Variants in SLC45A4 observed in about 807,000 individuals in gnomAD.
The protein encoded by SLC45A4 is solute carrier family 45 member 4, also known as polyamine-transporter SLC45A4.
A neutral mutation model predicts 63.7 loss-of-function variants in SLC45A4; 32 were observed. The ratio of observed to expected loss-of-function variants is 0.50; its 90% CI spans 0.38 to 0.67. The LOEUF (loss-of-function observed/expected upper bound fraction) is 0.67, where lower values mean the gene tolerates loss of function less well. Ranked by LOEUF, SLC45A4 falls within the 30% of genes least tolerant of loss-of-function variation. The pLI is 0.00. For missense variants in SLC45A4, 1,027 were observed against 1,157.7 expected (o/e 0.89, Z 1.64); for synonymous variants, 535 against 510.0 (o/e 1.05, Z -0.66).
rs147557157 is a variant in SLC45A4, at chr8:141,229,926, G to A, written c.242-8161C>T. On this transcript the variant is annotated intron_variant, in intron 2 of 8. Transcript: ENST00000517878. The surrounding 1 kb of genome is among the most constrained non-coding windows in gnomAD (Gnocchi z 5.0). ...TGGAGATTAAAGGAGAACATGGTGC[G>A]CACAGCTCAGCGCTGGACACTAGAT... Among the ~76,000 whole-genome samples the A allele has an allele frequency of 3.3e-5, 5 of 152,302 alleles. No homozygotes were observed. Among genetic ancestry groups the A allele is most frequent in the African/African-American group, 7.2e-5 (3 of 41,560 alleles).
In SLC45A4 at chr8:141,212,307, A is replaced by T; in HGVS notation, c.2191T>A (p.Ser731Thr). Residue 731 changes from serine (S) to threonine (T), a missense_variant, in exon 8 of 9, where the codon TCT (serine) becomes ACT (threonine). Ser to Thr is a moderately conservative substitution (Grantham distance 58). Transcript: ENST00000517878. ...EEAKEEQKGL[S>T]SPLAGEGRAG... ...CTGCCTTCGCCGGCCAACGGGGAAGACAGGCCTTTCTGCTCCTCCTTGGCC... is the reference window on the plus strand; with the variant it reads ...CTGCCTTCGCCGGCCAACGGGGAAGTCAGGCCTTTCTGCTCCTCCTTGGCC... 2 of 1,610,580 alleles carry T rather than the reference A, an allele frequency of 1.2e-6. No individual in the cohort carries two copies. The highest frequency in any genetic ancestry group is 8.5e-7 in the Non-Finnish European group (1 of 1,177,758).
At chr8:141,232,031 G>A (rs954821844) in intron 2 of SLC45A4, among the ~76,000 whole-genome samples, 3 of 152,236 alleles carry the variant, frequency 2.0e-5, no homozygotes, top group Non-Finnish European at 4.4e-5. Context: ...ATTCCAGTGG[G>A]GCCAGGCCCC....
At chr8:141,216,811 T>C (rs375325458) in intron 6 of SLC45A4, among the ~76,000 whole-genome samples, 62 of 152,282 alleles carry the variant, frequency 4.1e-4, no homozygotes, top group African/African-American at 1.3e-3. Flanking sequence ...GGAGGCACCA[T>C]TGACGTGGGA....
intron 1 of SLC45A4, among the ~76,000 whole-genome samples, chr8:141,299,588 C>T (rs1202835199): frequency 2.0e-5 from 3 of 152,220 alleles, no homozygotes; most frequent in African/African-American, 2.4e-5. Context: ...GGTGGTGGTG[C>T]GCAGGCCCTG....
intron 1 of SLC45A4, among the ~76,000 whole-genome samples, chr8:141,292,542 G>T (rs1830389072): frequency 6.6e-6 from 1 of 152,212 alleles, no homozygotes; most frequent in Non-Finnish European, 1.5e-5. Context: ...CTGCTCTCTT[G>T]GGGGGTTCCA....
intron 1 of SLC45A4, among the ~76,000 whole-genome samples, chr8:141,296,355 C>T (rs1415280172): frequency 2.0e-5 from 3 of 151,926 alleles, no homozygotes; most frequent in African/African-American, 7.3e-5. Flanking sequence ...AATAAATTAG[C>T]CGGGCATGGT....
intron 1 of SLC45A4, among the ~76,000 whole-genome samples, chr8:141,284,552 G>GA: frequency 6.6e-6 from 1 of 152,178 alleles, no homozygotes; most frequent in Non-Finnish European, 1.5e-5. Context: ...TTGCCACTCT[G>GA]AAAAATAAGC....
In SLC45A4 at chr8:141,301,734, CAAAAAAAAAA is replaced by C. The variant is rs564016568; in HGVS notation, c.-401+6352_-401+6361del. Among the ~76,000 whole-genome samples the C allele has an allele frequency of 2.3e-4, 9 of 39,564 alleles. 1 individual carries two copies. Among genetic ancestry groups the C allele is most frequent in the Admixed American group, 8.3e-4 (2 of 2,424 alleles). The allele number at this position is 39,564 out of a possible 152,430, so 26.0% of individuals were successfully genotyped here. ...TGGGGGACAGAATGAGACCCTATCT[CAAAAAAAAAA>C]AAAAAAAAAAAAAAAAAATCCTGGG... On this transcript the variant is annotated intron_variant, in intron 1 of 8. Transcript: ENST00000517878.
At position 141,229,113 on chromosome 8, in the gene SLC45A4, C is replaced by T. The variant is rs1472577635; in HGVS notation, c.242-7348G>A. Among the ~76,000 whole-genome samples, 1 of 152,190 alleles carries T rather than the reference C, an allele frequency of 6.6e-6. No individual in the cohort carries two copies. Among genetic ancestry groups the T allele is most frequent in the African/African-American group, 2.4e-5 (1 of 41,442 alleles). ...TTACCTTCCCCCCTTACCTGACATT[C>T]AATAACTGCTTAGTGCCCTTAAAAG... On this transcript the variant is annotated intron_variant, in intron 2 of 8. Coordinates refer to ENST00000517878, the MANE Select transcript of SLC45A4 (RefSeq NM_001286646.2). The surrounding 1 kb of genome is among the most constrained non-coding windows in gnomAD (Gnocchi z 5.0).
chr8:141,224,007 T>A (rs1437112493), intron 2 of SLC45A4, among the ~76,000 whole-genome samples: 2 of 152,114 alleles, frequency 1.3e-5, no homozygotes, highest in Non-Finnish European at 2.9e-5. Flanking sequence ...CTGTAGTTTT[T>A]TTTTTTTTTA....
At chr8:141,296,514 A>AT (rs199589461) in intron 1 of SLC45A4, among the ~76,000 whole-genome samples, 12,151 of 129,780 alleles carry the variant, frequency 0.094, 873 homozygotes, top group East Asian at 0.39. Flanking sequence ...AAAAAAAAAA[A>AT]AAAAATTAAA....
rs1026216023 is a variant in SLC45A4 at position 141,277,816 on chromosome 8, A to AT, written c.-400-23188dup. Among the ~76,000 whole-genome samples, 13 of 151,198 alleles carry AT rather than the reference A, an allele frequency of 8.6e-5. No homozygotes were observed. The East Asian group carries it at 9.7e-4, about 11-fold the overall frequency. On this transcript the variant is annotated intron_variant, in intron 1 of 8. Transcript: ENST00000517878. ...CACCACGCCCGGCTAATTTTTTTGTATTTTTTTTGTAGAGATGGGGTTTCA... is the reference window on the plus strand; with the variant it reads ...CACCACGCCCGGCTAATTTTTTTGTATTTTTTTTTGTAGAGATGGGGTTTCA...
intron 1 of SLC45A4, among the ~76,000 whole-genome samples, chr8:141,269,754 T>C (rs957502952): frequency 6.6e-6 from 1 of 152,164 alleles, no homozygotes; most frequent in Non-Finnish European, 1.5e-5. Context: ...TCTGTATGTC[T>C]GTGTCTATCT....
intron 1 of SLC45A4, among the ~76,000 whole-genome samples, chr8:141,264,425 C>T (rs757172089): frequency 6.6e-6 from 1 of 152,198 alleles, no homozygotes; most frequent in Non-Finnish European, 1.5e-5. Flanking sequence ...GGCAGAGAGG[C>T]TGCCGGGACA....
At chr8:141,258,058 TCC>T (rs142238691) in intron 1 of SLC45A4, among the ~76,000 whole-genome samples, 6 of 126,222 alleles carry the variant, frequency 4.8e-5, no homozygotes, top group Non-Finnish European at 9.8e-5. Context: ...TGTTTCTTCT[TCC>T]TTTTTTTTTT....
chr8:141,253,043 G>A (rs1207456270), intron 2 of SLC45A4: 2 of 169,714 alleles, frequency 1.2e-5, no homozygotes, highest in East Asian at 3.9e-4. Flanking sequence ...ACCTGTGTCT[G>A]TGAATTTCCG....
intron 1 of SLC45A4, among the ~76,000 whole-genome samples, chr8:141,280,008 G>A (rs558901182): frequency 2.6e-5 from 4 of 152,348 alleles, no homozygotes; most frequent in African/African-American, 7.2e-5. Flanking sequence ...CGGCAGCAGC[G>A]GCGGCCACAG....
intron 1 of SLC45A4, among the ~76,000 whole-genome samples, chr8:141,258,601 A>C (rs1181339485): frequency 6.6e-6 from 1 of 152,182 alleles, no homozygotes; most frequent in Non-Finnish European, 1.5e-5. Context: ...CCGTTTTTCA[A>C]AGACAGCATG....
intron 1 of SLC45A4, among the ~76,000 whole-genome samples, chr8:141,266,475 C>A (rs928182477): frequency 6.6e-6 from 1 of 152,180 alleles, no homozygotes; most frequent in Non-Finnish European, 1.5e-5. Context: ...TCACGGCCGG[C>A]ACGTGTCTTC....
Sources: gnomAD v4.1 joint callset for allele counts (sites outside exome capture counted in the v4.1 genomes callset) on GRCh38, gnomAD v4.1.1 for gene constraint, Gnocchi (gnomAD v3.1) non-coding constraint, MANE v1.5 for transcripts, NCBI Gene and HGNC (gene_info 2026-07-23, HGNC 2026-07-21) for gene names.